The following CDH13 variants were observed in gnomAD, a reference collection of about 807,000 sequenced individuals.
CDH13 encodes the protein cadherin-13.
A neutral mutation model predicts 63.8 loss-of-function variants in CDH13; 24 were observed. The observed-to-expected ratio is 0.38, with a 90% CI of 0.27 to 0.53. The LOEUF is 0.53. CDH13 is among the 20% of genes least tolerant of loss of function. The pLI is 0.85. For synonymous variants in CDH13, 503 were observed against 355.3 expected, an observed-to-expected ratio of 1.42 and a Z score of -4.67; for missense variants, 1,049 against 903.1, an observed-to-expected ratio of 1.16 and a Z score of -2.07.
At chr16:82,946,518 C>T (rs146387205) in intron 2 of CDH13, among the ~76,000 whole-genome samples, 1 of 152,026 alleles carries the variant, frequency 6.6e-6, no homozygotes, top group Non-Finnish European at 1.5e-5. Context: ...CCAGGGAGTT[C>T]AAGACCAGCC....
chr16:82,989,895 C>T (rs1488895356), intron 2 of CDH13, among the ~76,000 whole-genome samples: 1 of 152,126 alleles, frequency 6.6e-6, no homozygotes, highest in Non-Finnish European at 1.5e-5. Context: ...TTCTCTCTAG[C>T]CCCACGTCTC....
intron 6 of CDH13, among the ~76,000 whole-genome samples, chr16:83,420,003 A>C (rs2071669542): frequency 6.6e-6 from 1 of 151,980 alleles, no homozygotes; most frequent in African/African-American, 2.4e-5. Context: ...TGATTAACTC[A>C]CATTGCATCT....
chr16:82,934,401 C>T (rs2042599469), intron 2 of CDH13, among the ~76,000 whole-genome samples: 1 of 152,160 alleles, frequency 6.6e-6, no homozygotes, highest in Non-Finnish European at 1.5e-5. Context: ...GCTGGGGGGC[C>T]CTGGCTCCAG....
chr16:82,751,077 C>G (rs1433094434), intron 1 of CDH13, among the ~76,000 whole-genome samples: 1 of 152,166 alleles, frequency 6.6e-6, no homozygotes, highest in African/African-American at 2.4e-5. Flanking sequence ...TCTTCCTGAG[C>G]ATCTATCCAG....
chr16:82,653,761 C>T (rs576006379), intron 1 of CDH13, among the ~76,000 whole-genome samples: 1 of 152,120 alleles, frequency 6.6e-6, no homozygotes, highest in South Asian at 2.1e-4. Flanking sequence ...GTGACAGACG[C>T]TCTTAAATCT....
At chr16:83,580,507 T>TC in intron 7 of CDH13, among the ~76,000 whole-genome samples, 1 of 108,548 alleles carries the variant, frequency 9.2e-6, no homozygotes, top group South Asian at 3.2e-4. Flanking sequence ...TCTCTCTCTC[T>TC]AAGTCAGGTC....
chr16:83,292,018 C>T (rs1470494212), intron 5 of CDH13, among the ~76,000 whole-genome samples: 1 of 152,128 alleles, frequency 6.6e-6, no homozygotes, highest in Non-Finnish European at 1.5e-5. Context: ...TTTGTAATGT[C>T]CTTGAGGTAT....
At chr16:83,067,163 A>C (rs2032081467) in intron 3 of CDH13, among the ~76,000 whole-genome samples, 1 of 152,158 alleles carries the variant, frequency 6.6e-6, no homozygotes, top group African/African-American at 2.4e-5. Flanking sequence ...CTTTGCTCTT[A>C]TTCCAAAGAG....
chr16:82,941,023 A>T (rs918655), intron 2 of CDH13, among the ~76,000 whole-genome samples: 2 of 151,912 alleles, frequency 1.3e-5, no homozygotes, highest in East Asian at 3.9e-4. Context: ...TGGACAATAC[A>T]ACAAGCATAT....
rs1201066271 is a variant in CDH13, at chr16:83,338,863, T to C, written c.637-5999T>C. 2.0e-5 allele frequency among the ~76,000 whole-genome samples: 3 copies of C among 152,326 alleles called. No individual in the cohort carries two copies. In the South Asian group the frequency reaches 6.2e-4, roughly 32 times the overall value. ...ATGAAATGAGTGTGAGGAAGTGGGC[T>C]GTGGCCAGATTACAGAAAGACTTGT... On this transcript the variant is annotated intron_variant, in intron 5 of 13. Coordinates refer to ENST00000567109, the MANE Select transcript of CDH13 (RefSeq NM_001257.5).
intron 4 of CDH13, among the ~76,000 whole-genome samples, chr16:83,214,766 C>A (rs1488313908): frequency 1.3e-5 from 2 of 151,964 alleles, no homozygotes; most frequent in Non-Finnish European, 2.9e-5. Flanking sequence ...TCTCATTAAA[C>A]CCTCGGCAAT....
At chr16:83,541,833 C>T (rs1461867252) in intron 7 of CDH13, among the ~76,000 whole-genome samples, 2 of 152,214 alleles carry the variant, frequency 1.3e-5, no homozygotes, top group African/African-American at 4.8e-5. Flanking sequence ...GTAAGGTCTT[C>T]TCCTATGAGA....
At chr16:83,534,469 T>G (rs1870222671) in intron 7 of CDH13, among the ~76,000 whole-genome samples, 1 of 152,234 alleles carries the variant, frequency 6.6e-6, no homozygotes, top group Non-Finnish European at 1.5e-5. Context: ...TGACATCAAA[T>G]AAGCCATCAA....
chr16:83,778,692 A>T (rs569833369), intron 11 of CDH13, among the ~76,000 whole-genome samples: 1 of 152,326 alleles, frequency 6.6e-6, no homozygotes, highest in African/African-American at 2.4e-5. Flanking sequence ...GATTGCTTCT[A>T]TGCCCCTGTA....
chr16:83,144,205 G>C lies in CDH13; in HGVS notation c.483+18704G>C, dbSNP rs118178261. Among the ~76,000 whole-genome samples, 131 of 152,174 alleles carry C rather than the reference G, an allele frequency of 8.6e-4. 2 individuals carry two copies. In the East Asian group the frequency reaches 0.022, roughly 26 times the overall value. ...ACAGATGTGGTAAGTGATTCTGAAG[G>C]TTTCTCCCATGAGGAAGTGACACAG... On this transcript the variant is annotated intron_variant, in intron 4 of 13. Coordinates refer to ENST00000567109, the MANE Select transcript of CDH13 (RefSeq NM_001257.5).
chr16:82,798,501 G>A (rs988739453), intron 1 of CDH13, among the ~76,000 whole-genome samples: 2 of 152,196 alleles, frequency 1.3e-5, no homozygotes, highest in African/African-American at 4.8e-5. Flanking sequence ...ATTTCTAAGA[G>A]AATTGGTGTG....
chr16:83,662,210 G>A (rs895898752), intron 8 of CDH13, among the ~76,000 whole-genome samples: 3 of 152,104 alleles, frequency 2.0e-5, no homozygotes, highest in African/African-American at 7.2e-5. Flanking sequence ...TTCGAGTTTT[G>A]CATTTTCTCA....
At chr16:83,443,440 G>T (rs551853856) in intron 6 of CDH13, among the ~76,000 whole-genome samples, 36 of 152,234 alleles carry the variant, frequency 2.4e-4, no homozygotes, top group East Asian at 1.2e-3. Context: ...ATACATTTTT[G>T]ACCTAAATAG....
chr16:83,425,542 C>T (rs1421168498), intron 6 of CDH13, among the ~76,000 whole-genome samples: 2 of 152,238 alleles, frequency 1.3e-5, no homozygotes, highest in Non-Finnish European at 2.9e-5. Context: ...CCTTTTAGCT[C>T]ATTAACTCCC....
Sources: gnomAD v4.1 joint callset for allele counts (sites outside exome capture counted in the v4.1 genomes callset) on GRCh38, gnomAD v4.1.1 for gene constraint, MANE v1.5 for transcripts, NCBI Gene and HGNC (gene_info 2026-07-23, HGNC 2026-07-21) for gene names.